CSPP1: variants seen among roughly 807,000 people sequenced by gnomAD.
CSPP1 encodes centrosome and spindle pole-associated protein 1.
CSPP1 carries 126 observed loss-of-function variants against 164.4 expected under a neutral mutation model. The observed-to-expected ratio is 0.77, with a 90% CI of 0.66 to 0.89. The LOEUF is 0.89. Ranked by LOEUF, CSPP1 falls within the 40% of genes least tolerant of loss-of-function variation. The pLI is 0.00. For missense variants in CSPP1, 1,395 were observed against 1,449.8 expected (o/e 0.96, Z 0.61); for synonymous variants, 472 against 476.7 (o/e 0.99, Z 0.13).
At chr8:67,121,532 G>A (rs1245344945) in intron 15 of CSPP1, among the ~76,000 whole-genome samples, 1 of 152,002 alleles carries the variant, frequency 6.6e-6, no homozygotes, top group Non-Finnish European at 1.5e-5. Context: ...ACTTAGTCAT[G>A]GTGTATAATC....
chr8:67,183,375 C>G (rs1422527093), intron 28 of CSPP1, among the ~76,000 whole-genome samples: 1 of 152,128 alleles, frequency 6.6e-6, no homozygotes, highest in Non-Finnish European at 1.5e-5. Flanking sequence ...GGAACATTCA[C>G]CAGGACAGAT....
intron 26 of CSPP1, among the ~76,000 whole-genome samples, chr8:67,176,584 AC>A (rs916895143): frequency 1.1e-4 from 16 of 152,286 alleles, no homozygotes; most frequent in African/African-American, 3.6e-4. Context: ...CAACCTTTGT[AC>A]CCAGTCTGGT....
intron 20 of CSPP1, 67 bp from the exon 21 acceptor site, chr8:67,158,924 G>A: frequency 8.0e-7 from 1 of 1,255,230 alleles, no homozygotes; most frequent in South Asian, 1.5e-5. Context: ...GATAAATAAG[G>A]CAGCACATTT....
chr8:67,188,590 A>AATC (rs1029110388), intron 28 of CSPP1, among the ~76,000 whole-genome samples: 58 of 152,244 alleles, frequency 3.8e-4, no homozygotes, highest in African/African-American at 1.4e-3. Context: ...CATTCTATTA[A>AATC]ATCTTGGAAC....
chr8:67,160,229 T>C (rs1222110479), intron 21 of CSPP1, among the ~76,000 whole-genome samples: 3 of 150,564 alleles, frequency 2.0e-5, no homozygotes, highest in Non-Finnish European at 4.4e-5. Context: ...GAATTTAAGG[T>C]CGAGGCAGGC....
At chr8:67,088,288 G>C (rs1810827708) in intron 4 of CSPP1, among the ~76,000 whole-genome samples, 1 of 151,610 alleles carries the variant, frequency 6.6e-6, no homozygotes, top group Non-Finnish European at 1.5e-5. Context: ...TTTTTTGTTT[G>C]TTTTTTGGTT....
intron 2 of CSPP1, chr8:67,074,866 C>T (rs569202060): frequency 2.4e-4 from 53 of 222,996 alleles, no homozygotes; most frequent in Non-Finnish European, 3.4e-4. Flanking sequence ...CCACAACCTC[C>T]GCCTCCCAGG....
At position 67,132,837 on chromosome 8, in the gene CSPP1, G is replaced by A. The variant is rs889193738; in HGVS notation, c.1827+757G>A. Among the ~76,000 whole-genome samples, 5 of 152,204 alleles carry A rather than the reference G, an allele frequency of 3.3e-5. No individual in the cohort carries two copies. The East Asian group carries it at 7.7e-4, about 23-fold the overall frequency. ...TGTAATATTTGCAGAGAATTTAAGA[G>A]TAACTATCAAATGTATGGGGTTCTT... On this transcript the variant is annotated intron_variant, in intron 16 of 30. Transcript: ENST00000678616.
chr8:67,122,331 A>G (rs952656578), intron 15 of CSPP1, among the ~76,000 whole-genome samples: 1 of 151,606 alleles, frequency 6.6e-6, no homozygotes, highest in African/African-American at 2.4e-5. Context: ...TAGATTATTG[A>G]TTTGGTATCT....
chr8:67,081,992 C>G (rs1428973791), intron 3 of CSPP1, among the ~76,000 whole-genome samples: 3 of 152,244 alleles, frequency 2.0e-5, no homozygotes, highest in Non-Finnish European at 2.9e-5. Context: ...CCTCCCTTCT[C>G]TGGCTCCTAA....
At chr8:67,116,269 T>A in intron 13 of CSPP1, 147 bp downstream of exon 13, 1 of 587,012 alleles carries the variant, frequency 1.7e-6, no homozygotes, top group Non-Finnish European at 3.0e-6. Context: ...TTGAAATTTG[T>A]TTTTTTCTCT....
chr8:67,181,630 A>G (rs1833069301), intron 28 of CSPP1, among the ~76,000 whole-genome samples: 1 of 152,146 alleles, frequency 6.6e-6, no homozygotes, highest in South Asian at 2.1e-4. Flanking sequence ...TGTAAAGCTG[A>G]TGGTTTCAGT....
intron 3 of CSPP1, among the ~76,000 whole-genome samples, chr8:67,083,159 T>C (rs1809565066): frequency 6.6e-6 from 1 of 152,194 alleles, no homozygotes. Flanking sequence ...TTATATATTG[T>C]TACTTGTCAA....
chr8:67,072,534 G>A (rs1807032939), intron 1 of CSPP1, among the ~76,000 whole-genome samples: 1 of 151,824 alleles, frequency 6.6e-6, no homozygotes, highest in African/African-American at 2.4e-5. Flanking sequence ...ACAATTCAAT[G>A]GTAATAAAAC....
intron 19 of CSPP1, 67 bp downstream of exon 19, chr8:67,154,203 T>G (rs892243349): frequency 7.7e-6 from 6 of 781,050 alleles, no homozygotes; most frequent in Non-Finnish European, 1.1e-5. Flanking sequence ...GCAAAGATTT[T>G]CTCCAGGATA....
chr8:67,069,572 G>A (rs900884693), intron 1 of CSPP1, among the ~76,000 whole-genome samples: 3 of 150,546 alleles, frequency 2.0e-5, no homozygotes, highest in Non-Finnish European at 3.0e-5. Flanking sequence ...TTATTAGGTG[G>A]TATGGAAACC....
intron 22 of CSPP1, among the ~76,000 whole-genome samples, chr8:67,162,272 G>A (rs780589269): frequency 3.0e-4 from 45 of 152,334 alleles, no homozygotes; most frequent in Non-Finnish European, 5.1e-4. Context: ...TGAAGAGGAG[G>A]GTGAGGGATT....
intron 15 of CSPP1, among the ~76,000 whole-genome samples, chr8:67,129,672 C>T (rs10957381): frequency 0.46 from 70,521 of 152,006 alleles, 17,789 homozygotes; most frequent in African/African-American, 0.68. Flanking sequence ...TGAAGTACTA[C>T]TCAGCAATAA....
rs760349476 is a variant in CSPP1, at chr8:67,093,592, G to A, written c.434G>A (p.Gly145Asp). The A allele has an allele frequency of 1.2e-6, 2 of 1,612,882 alleles. No homozygotes were observed. Among genetic ancestry groups the A allele is most frequent in the East Asian group, 2.2e-5 (1 of 44,808 alleles). ...AAAGAATACAATCAGTTTCTCAGGG[G>A]TAAGGAAGAATCCAGTGAAAAGTTC... Reference protein sequence around the residue: ...RNKEYNQFLRGKEESSEKFRQ... With the variant: ...RNKEYNQFLRDKEESSEKFRQ... The change falls in exon 6 of 31, where the codon GGT becomes GAT. Residue 145 changes from glycine (G) to aspartate (D), a missense_variant. Physicochemically the swap from Gly to Asp is moderately conservative, Grantham distance 94. Coordinates refer to ENST00000678616, the MANE Select transcript of CSPP1 (RefSeq NM_001382391.1).
Sources: gnomAD v4.1 joint callset for allele counts (sites outside exome capture counted in the v4.1 genomes callset) on GRCh38, gnomAD v4.1.1 for gene constraint, MANE v1.5 for transcripts, NCBI Gene and HGNC (gene_info 2026-07-23, HGNC 2026-07-21) for gene names.